RNF213: variants seen among roughly 807,000 people sequenced by gnomAD.
RNF213 encodes the protein ring finger protein 213, also known as E3 ubiquitin-protein ligase RNF213.
A neutral mutation model predicts 514.4 loss-of-function variants in RNF213; 341 were observed. The observed-to-expected ratio is 0.66, with a 90% CI of 0.61 to 0.73. The LOEUF is 0.73. Ranked by LOEUF, RNF213 falls within the 30% of genes least tolerant of loss-of-function variation. RNF213 has a pLI of 0.00. For missense variants in RNF213, 5,767 were observed against 6,615.6 expected (o/e 0.87, Z 4.45); for synonymous variants, 2,655 against 2,658.2 (o/e 1.00, Z 0.04).
At chr17:80,268,789 G>A (rs1300178077) in intron 2 of RNF213, among the ~76,000 whole-genome samples, 3 of 152,110 alleles carry the variant, frequency 2.0e-5, no homozygotes, top group Non-Finnish European at 4.4e-5. Flanking sequence ...AGAACTAATA[G>A]GATCTATGTC....
chr17:80,389,370 G>T lies in RNF213; in HGVS notation c.15195+3G>T. ...ATCAGACGATTCACGTGTTAAAGGT[G>T]GGTCTCACACCGAAAAGGAAATCAG... On this transcript the variant is annotated splice_donor_region_variant and intron_variant, in intron 65 of 67. Coordinates refer to ENST00000582970, the MANE Select transcript of RNF213 (RefSeq NM_001256071.3). 1.2e-6 allele frequency: 2 copies of T among 1,613,738 alleles called. No individual in the cohort carries two copies. The highest frequency in any genetic ancestry group is 1.7e-6 in the Non-Finnish European group (2 of 1,179,718).
chr17:80,330,017 C>A (rs1436873360), intron 20 of RNF213, among the ~76,000 whole-genome samples: 1 of 152,094 alleles, frequency 6.6e-6, no homozygotes, highest in Non-Finnish European at 1.5e-5. Context: ...TCATTTTTCT[C>A]TCGGATTTTC....
intron 36 of RNF213, among the ~76,000 whole-genome samples, chr17:80,356,824 G>C (rs961982565): frequency 1.3e-5 from 2 of 152,130 alleles, no homozygotes; most frequent in African/African-American, 4.8e-5. Context: ...ATTCTTGCCA[G>C]GTTCCTCTGT....
intron 3 of RNF213, among the ~76,000 whole-genome samples, chr17:80,283,426 A>G (rs1167581361): frequency 6.6e-6 from 1 of 152,212 alleles, no homozygotes; most frequent in East Asian, 1.9e-4. Context: ...CAGGAACTGG[A>G]TCACGGTCCC....
chr17:80,333,343 A>G (rs916252419), intron 21 of RNF213, among the ~76,000 whole-genome samples: 8 of 144,844 alleles, frequency 5.5e-5, no homozygotes, highest in African/African-American at 1.7e-4. Flanking sequence ...TACAGGCGTG[A>G]GCCACCGTGC....
chr17:80,348,048 G>A lies in RNF213; in HGVS notation c.9713G>A (p.Gly3238Asp). ...SVVLQVIERQGPRALTEELHQ... is the reference protein window; with the variant it reads ...SVVLQVIERQDPRALTEELHQ... ...GTGCTGCAGGTCATAGAGAGGCAGG[G>A]TCCCCGGGCCTTGACGGAGGAACTT... Residue 3238 changes from glycine to aspartate, a missense_variant, in exon 29 of 68, where the codon GGT becomes GAT. Gly to Asp is a moderately conservative substitution (Grantham distance 94). This residue lies in a region of RNF213 where 919 missense variants were observed against 1,121.0 expected (regional missense o/e 0.82). Coordinates refer to ENST00000582970, the MANE Select transcript of RNF213 (RefSeq NM_001256071.3). 1.2e-6 allele frequency: 2 copies of A among 1,614,200 alleles called. No homozygotes were observed. Among genetic ancestry groups the A allele is most frequent in the Non-Finnish European group, 1.7e-6 (2 of 1,180,042 alleles).
At chr17:80,300,379 G>C (rs1667695951) in intron 11 of RNF213, among the ~76,000 whole-genome samples, 1 of 151,716 alleles carries the variant, frequency 6.6e-6, no homozygotes, top group Admixed American at 6.6e-5. Context: ...ATTCTGCTGG[G>C]ATTGGTAGTG....
chr17:80,313,809 A>C (rs60753852), intron 15 of RNF213, among the ~76,000 whole-genome samples: 9,295 of 22,332 alleles, frequency 0.42, 875 homozygotes, highest in Non-Finnish European at 0.44. Context: ...GGTGGAGGTA[A>C]TGGAGGTGAT....
chr17:80,363,667 A>G lies in RNF213; in HGVS notation c.11627A>G (p.Lys3876Arg), dbSNP rs766802999. 1.2e-6 allele frequency: 2 copies of G among 1,614,136 alleles called. No individual in the cohort carries two copies. Among genetic ancestry groups the G allele is most frequent in the South Asian group, 2.2e-5 (2 of 91,084 alleles). Residue 3876 changes from lysine (K) to arginine (R), a missense_variant, in exon 41 of 68, where the codon AAG (lysine) becomes AGG (arginine). Around this residue, in one of 13 missense-constraint regions of RNF213, gnomAD observed 355 missense variants for 358.0 expected, o/e 0.99. Coordinates refer to ENST00000582970, the MANE Select transcript of RNF213 (RefSeq NM_001256071.3). ...CTEMLTRNTL[K>R]PSPQAWLQLV... ...GAGATGCTGACAAGAAACACCCTGAAGCCCAGTCCCCAGGCGTGGCTACAG... is the reference window on the plus strand; with the variant it reads ...GAGATGCTGACAAGAAACACCCTGAGGCCCAGTCCCCAGGCGTGGCTACAG...
At position 80,304,681 on chromosome 17, in the gene RNF213, G is replaced by C. The variant is rs1437156159; in HGVS notation, c.2211-1571G>C. ...AAATAATAATAATAATAATTAAGAG[G>C]CTTAATTATTGGGGTATATCCCTTT... On this transcript the variant is annotated intron_variant, in intron 11 of 67. Coordinates refer to ENST00000582970, the MANE Select transcript of RNF213 (RefSeq NM_001256071.3). 1.3e-5 allele frequency among the ~76,000 whole-genome samples: 2 copies of C among 151,792 alleles called. 1 individual carries two copies. The highest frequency in any genetic ancestry group is 3.9e-4 in the East Asian group (2 of 5,190).
At chr17:80,280,681 C>T (rs74870219) in intron 3 of RNF213, among the ~76,000 whole-genome samples, 7 of 152,034 alleles carry the variant, frequency 4.6e-5, no homozygotes, top group East Asian at 1.9e-4. Flanking sequence ...TCTCAAACTC[C>T]TGGGCTCAAG....
In RNF213 at chr17:80,338,026, A is replaced by G. The variant is rs1026117703; in HGVS notation, c.4833+29A>G. The G allele has an allele frequency of 3.0e-5, 46 of 1,537,076 alleles. No individual in the cohort carries two copies. In the Admixed American group the frequency reaches 9.0e-4, roughly 30 times the overall value. ...AGGGCGCATCTTTGCAGTGGCGCTA[A>G]GCTGGTGGTGTCATCTCGTCCGTGA... On this transcript the variant is annotated intron_variant, in intron 25 of 67. Transcript: ENST00000582970.
At position 80,389,907 on chromosome 17, in the gene RNF213, G is replaced by A. The variant is rs145599764; in HGVS notation, c.15275G>A (p.Arg5092Gln). The A allele has an allele frequency of 2.2e-5, 36 of 1,614,042 alleles. No individual in the cohort carries two copies. The highest frequency in any genetic ancestry group is 2.9e-5 in the Non-Finnish European group (34 of 1,180,026). The stretch of plus-strand genomic sequence containing the variant: ...GCTCATAAGTCTGAACAGCTGCTGC[G>A]GCTGCACAAAGTAAGTCTGGTCTCT... ...LSAHKSEQLL[R>Q]LHKEPFGEIS... Residue 5092 changes from arginine to glutamine, a missense_variant, in exon 66 of 68, where the codon CGG becomes CAG. Physicochemically the swap from Arg to Gln is conservative, Grantham distance 43. Coordinates refer to ENST00000582970, the MANE Select transcript of RNF213 (RefSeq NM_001256071.3).
Position 80,364,516 on chromosome 17 carries a change from A to T in RNF213, c.11834A>T (p.Gln3945Leu). Residue 3945 changes from glutamine (Q) to leucine (L), a missense_variant, in exon 42 of 68, where the codon CAG (glutamine) becomes CTG (leucine). Transcript: ENST00000582970. ...LGTESRVPEL[Q>L]GLVTEHVFLL... ...ACCGAGAGCCGCGTCCCCGAGTTAC[A>T]GGGGCTGGTGACCGAGCACGTCTTC... The T allele has an allele frequency of 1.9e-6, 3 of 1,614,086 alleles. No homozygotes were observed. Among genetic ancestry groups the T allele is most frequent in the Non-Finnish European group, 2.5e-6 (3 of 1,180,018 alleles).
At position 80,295,822 on chromosome 17, in the gene RNF213, A is replaced by AT. The variant is rs1322098366; in HGVS notation, c.2012+15dup. ...CTTGGGATACCTCAGAGGTATTATT[A>AT]TTTTTTGTCAAAATGTTTTTTATAG... is the stretch of plus-strand genomic sequence containing the variant. On this transcript the variant is annotated intron_variant, in intron 10 of 67. Transcript: ENST00000582970. The AT allele has an allele frequency of 6.8e-6, 11 of 1,613,978 alleles. No homozygotes were observed. The highest frequency in any genetic ancestry group is 1.6e-4 in the Middle Eastern group (1 of 6,062).
rs868444268 is a variant in RNF213 at position 80,287,734 on chromosome 17, C to T, written c.262-81C>T. 83 of 1,425,448 alleles carry T rather than the reference C, an allele frequency of 5.8e-5. No individual in the cohort carries two copies. The Middle Eastern group carries it at 7.0e-4, about 12-fold the overall frequency. The allele number at this position is 1,425,448 out of a possible 1,614,324, so 88.3% of individuals were successfully genotyped here. On this transcript the variant is annotated intron_variant, in intron 3 of 67. Coordinates refer to ENST00000582970, the MANE Select transcript of RNF213 (RefSeq NM_001256071.3). Reference sequence around the variant, plus strand: ...AGCCAAGCTTGATGTAGTTGAGGAACGGAAGAGAAAGTTGGAGGGAAACAC... The same window carrying T: ...AGCCAAGCTTGATGTAGTTGAGGAATGGAAGAGAAAGTTGGAGGGAAACAC...
At chr17:80,390,422 C>T (rs1264987883) in intron 67 of RNF213, among the ~76,000 whole-genome samples, 1 of 151,948 alleles carries the variant, frequency 6.6e-6, no homozygotes, top group Non-Finnish European at 1.5e-5. Context: ...GCCCTGTTAC[C>T]CAGGCTGGAG....
Position 80,354,003 on chromosome 17 carries a change from C to T in RNF213, c.10579-16C>T, listed in dbSNP as rs772075460. 2 of 1,613,450 alleles carry T rather than the reference C, an allele frequency of 1.2e-6. No homozygotes were observed. The highest frequency in any genetic ancestry group is 8.5e-7 in the Non-Finnish European group (1 of 1,179,998). On this transcript the variant is annotated splice_polypyrimidine_tract_variant and intron_variant, in intron 34 of 67. Coordinates refer to ENST00000582970, the MANE Select transcript of RNF213 (RefSeq NM_001256071.3). ...TCAGTGGCAGAAACGGATGACCCAA[C>T]CGTCTCCACCAACAGGTGTCGATCC...
intron 3 of RNF213, among the ~76,000 whole-genome samples, chr17:80,281,080 C>G (rs527481424): frequency 1.4e-5 from 2 of 146,984 alleles, no homozygotes; most frequent in African/African-American, 2.6e-5. Flanking sequence ...ACACACCCCC[C>G]GCCACACATA....
Sources: allele counts gnomAD v4.1 joint callset (sites outside exome capture counted in the v4.1 genomes callset), GRCh38; gene constraint gnomAD v4.1.1; regional missense constraint gnomAD v4.1.1; transcripts MANE v1.5; gene names NCBI Gene and HGNC (gene_info 2026-07-23, HGNC 2026-07-21).